Variants in ASTN2 observed in about 807,000 individuals in gnomAD.
The protein encoded by ASTN2 is astrotactin-2.
A neutral mutation model predicts 139.8 loss-of-function variants in ASTN2; 54 were observed. The observed-to-expected ratio is 0.39, with a 90% CI of 0.31 to 0.48. The LOEUF is 0.48. Among genes scored for constraint, ASTN2 ranks in the 20% least tolerant of loss-of-function variants. The pLI is 0.95. For missense variants in ASTN2, 1,565 were observed against 1,725.1 expected (o/e 0.91, Z 1.64); for synonymous variants, 756 against 719.5 (o/e 1.05, Z -0.81).
In ASTN2 at chr9:116,898,409, C is replaced by CA. The variant is rs60880553; in HGVS notation, c.1890-34677dup. On this transcript the variant is annotated intron_variant, in intron 10 of 22. Coordinates refer to ENST00000313400, the MANE Select transcript of ASTN2 (RefSeq NM_001365068.1). ...TGGGTGACAGAACAAGACCCTGTCT[C>CA]AAAAAAAAAAAAAAGAGTTTGGAAA... is the stretch of plus-strand genomic sequence containing the variant. 5.6e-3 allele frequency among the ~76,000 whole-genome samples: 779 copies of CA among 138,502 alleles called. 8 individuals are homozygous for CA. Among genetic ancestry groups the CA allele is most frequent in the African/African-American group, 8.9e-3 (330 of 36,978 alleles). The allele number at this position is 138,502 out of a possible 152,430, so 90.9% of individuals were successfully genotyped here.
At chr9:117,284,540 T>C (rs1564125802) in intron 2 of ASTN2, among the ~76,000 whole-genome samples, 2 of 152,240 alleles carry the variant, frequency 1.3e-5, no homozygotes, top group African/African-American at 4.8e-5. Context: ...CTGGAGCAGA[T>C]CTTTCCCTGG....
chr9:117,412,663 C>CT (rs1490865184), intron 1 of ASTN2, among the ~76,000 whole-genome samples: 1 of 152,202 alleles, frequency 6.6e-6, no homozygotes, highest in Non-Finnish European at 1.5e-5. Context: ...CATCCCTTCA[C>CT]TTGAATGGCC....
At chr9:117,403,366 C>T (rs1006553653) in intron 1 of ASTN2, among the ~76,000 whole-genome samples, 2 of 152,184 alleles carry the variant, frequency 1.3e-5, no homozygotes, top group African/African-American at 4.8e-5. Context: ...CATGGGGACC[C>T]TCTAGAATGG....
chr9:117,368,040 T>A (rs1208521419), intron 1 of ASTN2, among the ~76,000 whole-genome samples: 1 of 152,120 alleles, frequency 6.6e-6, no homozygotes, highest in Non-Finnish European at 1.5e-5. Flanking sequence ...GGTCCCAGCC[T>A]GACCACCAGA....
intron 19 of ASTN2, among the ~76,000 whole-genome samples, chr9:116,537,223 G>T (rs1028860599): frequency 5.3e-5 from 8 of 152,198 alleles, no homozygotes; most frequent in Non-Finnish European, 8.8e-5. Context: ...CCCATCTTCT[G>T]TGTCGCTCAC....
chr9:117,293,027 G>T (rs1487106592), intron 1 of ASTN2, among the ~76,000 whole-genome samples: 1 of 151,824 alleles, frequency 6.6e-6, no homozygotes, highest in African/African-American at 2.4e-5. Flanking sequence ...GTTAGATATT[G>T]ATTTATCATC....
chr9:116,841,974 C>T (rs547066242), intron 11 of ASTN2, among the ~76,000 whole-genome samples: 81 of 152,282 alleles, frequency 5.3e-4, no homozygotes, highest in African/African-American at 1.9e-3. Context: ...GGTCATACAG[C>T]AAGCAAGAGT....
At chr9:117,398,318 A>G (rs1353782477) in intron 1 of ASTN2, among the ~76,000 whole-genome samples, 1 of 152,192 alleles carries the variant, frequency 6.6e-6, no homozygotes, top group Non-Finnish European at 1.5e-5. Context: ...TATATTGTAC[A>G]TGGAGAATGG....
intron 1 of ASTN2, among the ~76,000 whole-genome samples, chr9:117,405,697 T>C (rs1466152124): frequency 3.9e-5 from 6 of 152,172 alleles, no homozygotes; most frequent in Non-Finnish European, 8.8e-5. Context: ...AGTTAGATAA[T>C]GTCCTAAATT....
intron 2 of ASTN2, among the ~76,000 whole-genome samples, chr9:117,238,503 A>T (rs1262732782): frequency 3.3e-5 from 5 of 152,234 alleles, no homozygotes; most frequent in African/African-American, 1.2e-4. Flanking sequence ...GAATGTGTAT[A>T]CTGATAAATC....
chr9:116,774,258 G>T (rs1830024379), intron 13 of ASTN2, among the ~76,000 whole-genome samples: 1 of 152,040 alleles, frequency 6.6e-6, no homozygotes, highest in Non-Finnish European at 1.5e-5. Context: ...TGGAGATCAG[G>T]GTCAAGAAGG....
At chr9:117,278,214 T>A (rs1168807828) in intron 2 of ASTN2, among the ~76,000 whole-genome samples, 2 of 152,200 alleles carry the variant, frequency 1.3e-5, no homozygotes, top group Non-Finnish European at 2.9e-5. Context: ...CCAGTCCTAT[T>A]GAGGAGAACG....
intron 10 of ASTN2, among the ~76,000 whole-genome samples, chr9:116,883,891 C>T (rs1833520427): frequency 6.6e-6 from 1 of 152,202 alleles, no homozygotes; most frequent in Non-Finnish European, 1.5e-5. Flanking sequence ...TGAGTTTTGT[C>T]AGTAGAACAG....
At chr9:116,540,231 C>T (rs573327174) in intron 19 of ASTN2, among the ~76,000 whole-genome samples, 14 of 152,152 alleles carry the variant, frequency 9.2e-5, no homozygotes, top group African/African-American at 3.4e-4. Context: ...AATTTTTATT[C>T]ATGTCTGGTG....
chr9:117,028,839 A>G (rs572798658), intron 6 of ASTN2, among the ~76,000 whole-genome samples: 57 of 152,294 alleles, frequency 3.7e-4, no homozygotes, highest in African/African-American at 1.3e-3. Flanking sequence ...TCATGAGATA[A>G]GTAAAAAGGG....
chr9:117,163,268 T>C (rs985253899), intron 3 of ASTN2, among the ~76,000 whole-genome samples: 7 of 152,048 alleles, frequency 4.6e-5, no homozygotes, highest in African/African-American at 1.7e-4. Context: ...GGCAAATATA[T>C]GGCATTGAAC....
chr9:116,639,865 A>G (rs1362766682), intron 17 of ASTN2, among the ~76,000 whole-genome samples: 1 of 152,178 alleles, frequency 6.6e-6, no homozygotes, highest in East Asian at 1.9e-4. Context: ...TGTATGTGAA[A>G]ACACCATGAA....
At chr9:116,606,630 C>A (rs1855221169) in intron 19 of ASTN2, among the ~76,000 whole-genome samples, 1 of 152,040 alleles carries the variant, frequency 6.6e-6, no homozygotes, top group Non-Finnish European at 1.5e-5. Flanking sequence ...AACTGTCTAA[C>A]CAAAACAAGT....
In ASTN2 at chr9:117,158,366, G is replaced by T. The variant is rs187731911; in HGVS notation, c.1016-16888C>A. Among the ~76,000 whole-genome samples the T allele has an allele frequency of 2.0e-4, 31 of 152,180 alleles. No individual in the cohort carries two copies. In the South Asian group the frequency reaches 2.3e-3, roughly 11 times the overall value. On this transcript the variant is annotated intron_variant, in intron 3 of 22. Transcript: ENST00000313400. ...AGATATGAATTGGAGGAGACAGGAA[G>T]AAGTCAAGACTGCATTCTAATTTTC...
Sources: gnomAD v4.1 joint callset for allele counts (sites outside exome capture counted in the v4.1 genomes callset) on GRCh38, gnomAD v4.1.1 for gene constraint, MANE v1.5 for transcripts, NCBI Gene and HGNC (gene_info 2026-07-23, HGNC 2026-07-21) for gene names.